CACNA2D3: variants seen among roughly 807,000 people sequenced by gnomAD.
The protein encoded by CACNA2D3 is voltage-dependent calcium channel subunit alpha-2/delta-3.
Under a neutral mutation model 160.6 loss-of-function variants are expected in CACNA2D3, and 60 were observed. That is an observed-to-expected ratio of 0.37 (90% CI 0.30 to 0.46). The LOEUF (loss-of-function observed/expected upper bound fraction) is 0.46, where lower values mean the gene tolerates loss of function less well. Ranked by LOEUF, CACNA2D3 falls within the 20% of genes least tolerant of loss-of-function variation. The pLI, the probability that CACNA2D3 is intolerant of heterozygous loss-of-function variation, is 1.00. For synonymous variants in CACNA2D3, 558 were observed against 492.9 expected (o/e 1.13, Z -1.75); for missense variants, 1,205 against 1,365.0 (o/e 0.88, Z 1.85).
chr3:54,550,203 C>T (rs550993269), intron 5 of CACNA2D3, among the ~76,000 whole-genome samples: 11 of 152,212 alleles, frequency 7.2e-5, no homozygotes, highest in South Asian at 4.1e-4. Flanking sequence ...TTAGGACAAA[C>T]GCCAAGGGTT....
chr3:54,997,264 A>G (rs959693163), intron 31 of CACNA2D3, among the ~76,000 whole-genome samples: 2 of 152,246 alleles, frequency 1.3e-5, no homozygotes, highest in Non-Finnish European at 1.5e-5. Context: ...AGAAAATGCA[A>G]GTGAGGTATA....
chr3:54,435,839 C>G (rs1700051301), intron 4 of CACNA2D3, among the ~76,000 whole-genome samples: 1 of 152,134 alleles, frequency 6.6e-6, no homozygotes. Context: ...TACAAATTCT[C>G]TGCAAACAAA....
chr3:54,836,666 A>G (rs1256916351), intron 14 of CACNA2D3, among the ~76,000 whole-genome samples: 2 of 152,166 alleles, frequency 1.3e-5, no homozygotes, highest in Non-Finnish European at 2.9e-5. Context: ...AGAGACCCAG[A>G]GAGGTAAAAC....
intron 11 of CACNA2D3, among the ~76,000 whole-genome samples, chr3:54,726,823 G>A (rs773386367): frequency 2.6e-5 from 4 of 152,174 alleles, no homozygotes; most frequent in South Asian, 4.1e-4. Flanking sequence ...GTAAGGAAAC[G>A]TGGGTAATAC....
At chr3:54,503,017 C>T (rs1231665815) in intron 4 of CACNA2D3, among the ~76,000 whole-genome samples, 7 of 152,194 alleles carry the variant, frequency 4.6e-5, no homozygotes, top group Non-Finnish European at 4.4e-5. Flanking sequence ...GTGAGACCTT[C>T]TCAAACACCA....
chr3:54,563,824 C>T (rs1039640724), intron 6 of CACNA2D3, among the ~76,000 whole-genome samples: 9 of 152,112 alleles, frequency 5.9e-5, no homozygotes, highest in African/African-American at 9.7e-5. Context: ...CACAGACTGC[C>T]GGCCTCTGCC....
intron 11 of CACNA2D3, among the ~76,000 whole-genome samples, chr3:54,676,703 T>C (rs937736139): frequency 6.6e-6 from 1 of 152,134 alleles, no homozygotes; most frequent in South Asian, 2.1e-4. Flanking sequence ...GAAGTTCGAT[T>C]AGTTGGGGAA....
intron 4 of CACNA2D3, among the ~76,000 whole-genome samples, chr3:54,431,617 T>C (rs1309187322): frequency 6.6e-6 from 1 of 152,176 alleles, no homozygotes. Flanking sequence ...AAATATGGCT[T>C]TATTTTTATT....
At chr3:54,410,897 A>G (rs1699656925) in intron 4 of CACNA2D3, among the ~76,000 whole-genome samples, 1 of 152,228 alleles carries the variant, frequency 6.6e-6, no homozygotes, top group African/African-American at 2.4e-5. Context: ...AGGATTCACC[A>G]TTCTAGATGC....
intron 13 of CACNA2D3, among the ~76,000 whole-genome samples, chr3:54,779,006 G>A (rs1042100031): frequency 2.0e-5 from 3 of 152,128 alleles, no homozygotes; most frequent in African/African-American, 4.8e-5. Context: ...TAAGATAATG[G>A]CATTCTGACA....
intron 2 of CACNA2D3, among the ~76,000 whole-genome samples, chr3:54,247,817 A>G (rs916601039): frequency 1.1e-4 from 17 of 152,154 alleles, no homozygotes; most frequent in Admixed American, 8.5e-4. Flanking sequence ...AGTGACCCAC[A>G]ATGCCCAACA....
intron 25 of CACNA2D3, among the ~76,000 whole-genome samples, chr3:54,895,753 C>A (rs1041549733): frequency 4.6e-5 from 7 of 152,290 alleles, no homozygotes; most frequent in African/African-American, 9.6e-5. Flanking sequence ...AGGCGGTCAT[C>A]CCCCCACCGC....
intron 11 of CACNA2D3, among the ~76,000 whole-genome samples, chr3:54,672,052 A>C (rs1438743845): frequency 6.6e-6 from 1 of 152,216 alleles, no homozygotes; most frequent in African/African-American, 2.4e-5. Context: ...ATCAAGATCC[A>C]AGAACCAAAG....
chr3:54,722,470 C>G (rs952175171), intron 11 of CACNA2D3, among the ~76,000 whole-genome samples: 2 of 152,128 alleles, frequency 1.3e-5, no homozygotes, highest in African/African-American at 2.4e-5. Context: ...GAGTTGTGAT[C>G]CTTTGGAGGA....
intron 3 of CACNA2D3, among the ~76,000 whole-genome samples, chr3:54,344,431 A>G (rs992697048): frequency 2.0e-4 from 31 of 152,190 alleles, no homozygotes; most frequent in African/African-American, 7.2e-4. Context: ...TTGCTTTCTA[A>G]CATGTCCTTG....
At chr3:54,562,772 C>A in intron 5 of CACNA2D3, 28 bp from the exon 6 acceptor site, 2 of 1,595,596 alleles carry the variant, frequency 1.3e-6, no homozygotes, top group Non-Finnish European at 1.7e-6. Flanking sequence ...TTCTAATACA[C>A]CCCTCTCTCT....
chr3:54,191,410 C>T (rs1018244382), intron 2 of CACNA2D3, among the ~76,000 whole-genome samples: 1 of 151,566 alleles, frequency 6.6e-6, no homozygotes, highest in Admixed American at 6.6e-5. Flanking sequence ...TCATCATCAT[C>T]ATCATCATCA....
intron 3 of CACNA2D3, among the ~76,000 whole-genome samples, chr3:54,321,287 T>C (rs541844137): frequency 6.6e-6 from 1 of 151,164 alleles, no homozygotes; most frequent in Non-Finnish European, 1.5e-5. Context: ...GCCACTGCAC[T>C]CCAGCCTGGG....
intron 11 of CACNA2D3, among the ~76,000 whole-genome samples, chr3:54,744,953 G>T (rs946772626): frequency 6.6e-6 from 1 of 152,230 alleles, no homozygotes; most frequent in Non-Finnish European, 1.5e-5. Context: ...AAGCCAGTAA[G>T]TGTAGCATTG....
Sources: allele counts gnomAD v4.1 joint callset (sites outside exome capture counted in the v4.1 genomes callset), GRCh38; gene constraint gnomAD v4.1.1; transcripts MANE v1.5; gene names NCBI Gene and HGNC (gene_info 2026-07-23, HGNC 2026-07-21).